Variants in EPHX1 observed in about 807,000 individuals in gnomAD.
EPHX1 encodes the protein epoxide hydratase.
In EPHX1, 40 loss-of-function variants were observed where a neutral mutation model predicts 43.2. The ratio of observed to expected loss-of-function variants is 0.93; its 90% CI spans 0.72 to 1.21. The LOEUF (loss-of-function observed/expected upper bound fraction) is 1.21, where lower values mean the gene tolerates loss of function less well. Among genes scored for constraint, EPHX1 ranks in the 50% most tolerant of loss-of-function variants. EPHX1 has a pLI of 0.00. For missense variants in EPHX1, 550 were observed against 570.4 expected, an observed-to-expected ratio of 0.96 and a Z score of 0.36; for synonymous variants, 221 against 226.7, an observed-to-expected ratio of 0.98 and a Z score of 0.22.
intron 7 of EPHX1, among the ~76,000 whole-genome samples, chr1:225,843,623 C>T (rs1424614072): frequency 2.0e-5 from 3 of 152,200 alleles, no homozygotes; most frequent in African/African-American, 7.2e-5. Flanking sequence ...TAGGCCACTC[C>T]TGCAGCTCTG....
intron 2 of EPHX1, among the ~76,000 whole-genome samples, chr1:225,830,827 C>T (rs41467050): frequency 0.069 from 10,463 of 152,196 alleles, 501 homozygotes; most frequent in Middle Eastern, 0.17. Flanking sequence ...TATCAGGGGT[C>T]AGGAAACCAG....
At chr1:225,839,024 C>G (rs1488406729) in intron 4 of EPHX1, 143 bp downstream of exon 4, 1 of 1,325,030 alleles carries the variant, frequency 7.5e-7, no homozygotes, top group East Asian at 2.5e-5. Context: ...AGGCCGGCCC[C>G]AGACACACCG....
At chr1:225,839,728 G>T in intron 5 of EPHX1, 101 bp from the exon 6 acceptor site, 1 of 1,281,564 alleles carries the variant, frequency 7.8e-7, no homozygotes. Flanking sequence ...CTGGCTCTGT[G>T]CTCGCTCCTC....
At chr1:225,834,540 G>A (rs1429657232) in intron 3 of EPHX1, among the ~76,000 whole-genome samples, 1 of 149,034 alleles carries the variant, frequency 6.7e-6, no homozygotes, top group East Asian at 2.0e-4. Flanking sequence ...AAATCCCAGT[G>A]GTGTGTGTCC....
intron 8 of EPHX1, 144 bp downstream of exon 8, chr1:225,844,767 T>G (rs1281451107): frequency 1.5e-6 from 2 of 1,365,802 alleles, no homozygotes; most frequent in Non-Finnish European, 2.0e-6. Flanking sequence ...ATGGGAACAC[T>G]AAAGGTCGAG....
At chr1:225,825,517 CA>C (rs1453354906) in intron 1 of EPHX1, 1 of 152,254 alleles carries the variant, frequency 6.6e-6, no homozygotes, top group Non-Finnish European at 1.5e-5. Flanking sequence ...GAAGCGACAG[CA>C]GTGCTTCTCC....
intron 1 of EPHX1, among the ~76,000 whole-genome samples, chr1:225,811,799 G>A (rs190274949): frequency 1.9e-3 from 287 of 152,294 alleles, no homozygotes; most frequent in African/African-American, 6.4e-3. Context: ...CACCTAGGAG[G>A]CGCTGAGGAG....
rs1250972488 is a variant in EPHX1, at chr1:225,828,924, T to TGGGCC, written c.183+22_183+26dup. ...ATGAGGAGATCCACGTAAGGCACCT[T>TGGGCC]GGGCCGGGCCGGGCTGGGCAGTGGA... On this transcript the variant is annotated intron_variant, in intron 2 of 8. Coordinates refer to ENST00000272167, the MANE Select transcript of EPHX1 (RefSeq NM_001136018.4). The TGGGCC allele has an allele frequency of 3.9e-6, 6 of 1,558,292 alleles. No individual in the cohort carries two copies. Among genetic ancestry groups the TGGGCC allele is most frequent in the South Asian group, 3.5e-5 (3 of 85,830 alleles).
At chr1:225,826,417 C>T (rs1391595236) in intron 1 of EPHX1, among the ~76,000 whole-genome samples, 1 of 138,954 alleles carries the variant, frequency 7.2e-6, no homozygotes, top group East Asian at 2.1e-4. Context: ...GAGCCGAGAT[C>T]GCACCACTGC....
intron 6 of EPHX1, chr1:225,841,240 A>G (rs1668383530): frequency 6.6e-6 from 1 of 152,108 alleles, no homozygotes; most frequent in Non-Finnish European, 1.5e-5. Context: ...CTTTTGCTCA[A>G]TATTATGTTT....
At chr1:225,830,534 G>A (rs1667520598) in intron 2 of EPHX1, among the ~76,000 whole-genome samples, 1 of 152,166 alleles carries the variant, frequency 6.6e-6, no homozygotes, top group Non-Finnish European at 1.5e-5. Context: ...GTGCGATCTT[G>A]GCTCACTGCA....
chr1:225,839,426 C>T, intron 5 of EPHX1, 80 bp downstream of exon 5: 19 of 1,585,446 alleles, frequency 1.2e-5, no homozygotes, highest in East Asian at 2.3e-5. Context: ...GACCTGTGTG[C>T]AGGGTGGGCC....
In EPHX1 at chr1:225,831,831, G is replaced by C; in HGVS notation, c.236G>C (p.Ser79Thr). The C allele has an allele frequency of 6.2e-7, 1 of 1,614,214 alleles. No homozygotes were observed. Among genetic ancestry groups the C allele is most frequent in the Non-Finnish European group, 8.5e-7 (1 of 1,180,042 alleles). ...KFRFTPPLEDSCFHYGFNSNY... is the reference protein window; with the variant it reads ...KFRFTPPLEDTCFHYGFNSNY... Reference sequence around the variant, plus strand: ...CGTTTCACCCCACCTTTGGAGGACAGCTGCTTCCACTATGGCTTCAACTCC... The same window carrying C: ...CGTTTCACCCCACCTTTGGAGGACACCTGCTTCCACTATGGCTTCAACTCC... The change falls in exon 3 of 9, where the codon AGC becomes ACC. Residue 79 changes from serine (S) to threonine (T), a missense_variant. By Grantham distance (58) the Ser-to-Thr change is moderately conservative. Transcript: ENST00000272167.
At chr1:225,816,503 A>T (rs1047178863) in intron 1 of EPHX1, among the ~76,000 whole-genome samples, 5 of 152,196 alleles carry the variant, frequency 3.3e-5, no homozygotes. Context: ...GTGAGATGGA[A>T]TGGGACCTCA....
rs762468188 is a variant in EPHX1, at chr1:225,842,417, A to G, written c.983A>G (p.Lys328Arg). Reference protein sequence around the residue: ...PVGLAAYILEKFSTWTNTEFR... With the variant: ...PVGLAAYILERFSTWTNTEFR... ...GGTCTGGCTGCCTATATTCTAGAGA[A>G]GTTTTCCACCTGGACCAATACGGAA... The change falls in exon 7 of 9, where the codon AAG becomes AGG. Residue 328 changes from lysine to arginine, a missense_variant. Coordinates refer to ENST00000272167, the MANE Select transcript of EPHX1 (RefSeq NM_001136018.4). The G allele has an allele frequency of 1.2e-6, 2 of 1,614,030 alleles. No individual in the cohort carries two copies. The highest frequency in any genetic ancestry group is 1.7e-6 in the Non-Finnish European group (2 of 1,180,008).
intron 1 of EPHX1, among the ~76,000 whole-genome samples, chr1:225,813,374 G>A (rs993874777): frequency 6.6e-6 from 1 of 152,174 alleles, no homozygotes; most frequent in Non-Finnish European, 1.5e-5. Flanking sequence ...GTCTCCAAGG[G>A]GCTGTGGGAT....
chr1:225,839,146 GAAC>G lies in EPHX1; in HGVS notation c.593-69_593-67del. On this transcript the variant is annotated intron_variant, in intron 4 of 8. Coordinates refer to ENST00000272167, the MANE Select transcript of EPHX1 (RefSeq NM_001136018.4). ...GTAGGCGGGCCTGAGAAATTTCATA[GAAC>G]ACCAGAGGGCCCAAGGAGCAATCTG... 5 of 1,609,934 alleles carry G rather than the reference GAAC, an allele frequency of 3.1e-6. No individual in the cohort carries two copies. The East Asian group carries it at 1.1e-4, about 36-fold the overall frequency.
chr1:225,828,664 C>T, intron 1 of EPHX1, 61 bp from the exon 2 acceptor site: 2 of 1,582,456 alleles, frequency 1.3e-6, no homozygotes, highest in Admixed American at 1.7e-5. Context: ...ATCAGAGTCT[C>T]TGGGCTGTCA....
chr1:225,835,509 C>T (rs1401880468), intron 3 of EPHX1, among the ~76,000 whole-genome samples: 12 of 151,660 alleles, frequency 7.9e-5, no homozygotes, highest in Non-Finnish European at 2.9e-5. Flanking sequence ...CCTGCCTCAG[C>T]CTCCCGAGTA....
Sources: allele counts gnomAD v4.1 joint callset (sites outside exome capture counted in the v4.1 genomes callset), GRCh38; gene constraint gnomAD v4.1.1; transcripts MANE v1.5; gene names NCBI Gene and HGNC (gene_info 2026-07-23, HGNC 2026-07-21).